The following GLDC variants were observed in gnomAD, a reference collection of about 807,000 sequenced individuals.
GLDC encodes the protein glycine decarboxylase.
A neutral mutation model predicts 121.3 loss-of-function variants in GLDC; 104 were observed. The ratio of observed to expected loss-of-function variants is 0.86; its 90% CI spans 0.73 to 1.01. The LOEUF (loss-of-function observed/expected upper bound fraction) is 1.01, where lower values mean the gene tolerates loss of function less well. Ranked by LOEUF, GLDC falls within the 50% of genes least tolerant of loss-of-function variation. The pLI, the probability that GLDC is intolerant of heterozygous loss-of-function variation, is 0.00. For synonymous variants in GLDC, 546 were observed against 480.6 expected (o/e 1.14, Z -1.78); for missense variants, 1,429 against 1,306.6 (o/e 1.09, Z -1.44).
chr9:6,628,385 A>G (rs1345241684), intron 2 of GLDC, among the ~76,000 whole-genome samples: 1 of 152,306 alleles, frequency 6.6e-6, no homozygotes, highest in Admixed American at 6.5e-5. Context: ...TTTCCTTTCA[A>G]CTGGACAAAA....
intron 22 of GLDC, among the ~76,000 whole-genome samples, chr9:6,536,972 A>C (rs928847336): frequency 6.6e-6 from 1 of 151,956 alleles, no homozygotes; most frequent in Non-Finnish European, 1.5e-5. Context: ...CAAGAGACAG[A>C]TTTCCAGGAC....
intron 2 of GLDC, among the ~76,000 whole-genome samples, chr9:6,636,179 C>T (rs951692129): frequency 1.2e-4 from 18 of 152,138 alleles, no homozygotes; most frequent in African/African-American, 3.9e-4. Flanking sequence ...TAGTTCATGC[C>T]TGTAGTCTCG....
intron 2 of GLDC, among the ~76,000 whole-genome samples, chr9:6,621,080 G>A (rs1819083571): frequency 6.6e-6 from 1 of 152,190 alleles, no homozygotes; most frequent in East Asian, 1.9e-4. Context: ...TGAGGTGGAA[G>A]GATCACATGA....
intron 2 of GLDC, among the ~76,000 whole-genome samples, chr9:6,638,472 C>T (rs1819556428): frequency 6.6e-6 from 1 of 152,096 alleles, no homozygotes; most frequent in Admixed American, 6.5e-5. Context: ...GCCTCGCCCT[C>T]CCAAAGTGCT....
chr9:6,536,079 C>A lies in GLDC; in HGVS notation c.2823G>T (p.Arg941Ser). ...ADIEEGRIDP[R>S]VNPLKMSPHS... ...GCCTACGCACCTTCAGCGGATTGAC[C>A]CTGGGGTCGATGCGGCCCTCCTCAA... The change falls in exon 23 of 25, where the codon AGG (arginine) becomes AGT (serine). Residue 941 changes from arginine to serine, a missense_variant. Physicochemically the swap from Arg to Ser is moderately radical, Grantham distance 110 (BLOSUM62 -1). Coordinates refer to ENST00000321612, the MANE Select transcript of GLDC (RefSeq NM_000170.3). 2 of 1,613,692 alleles carry A rather than the reference C, an allele frequency of 1.2e-6. No individual in the cohort carries two copies. The highest frequency in any genetic ancestry group is 1.7e-6 in the Non-Finnish European group (2 of 1,179,872).
At chr9:6,633,570 A>G (rs2129992255) in intron 2 of GLDC, among the ~76,000 whole-genome samples, 1 of 152,158 alleles carries the variant, frequency 6.6e-6, no homozygotes, top group East Asian at 1.9e-4. Flanking sequence ...CCCCATCTAG[A>G]AACTGACTGA....
chr9:6,549,566 T>C (rs553930037), intron 21 of GLDC, among the ~76,000 whole-genome samples: 3 of 152,284 alleles, frequency 2.0e-5, no homozygotes, highest in African/African-American at 7.2e-5. Flanking sequence ...CGTTTTGTTC[T>C]GGCTTCTCAC....
In GLDC at chr9:6,559,102, T is replaced by C. The variant is rs74349587; in HGVS notation, c.1927-418A>G. On this transcript the variant is annotated intron_variant, in intron 16 of 24. Coordinates refer to ENST00000321612, the MANE Select transcript of GLDC (RefSeq NM_000170.3). ...TTGGCTTATCCAGGACAGATGATAA[T>C]GACAGACGTTAATTCCAAGGCCTCC... is the stretch of plus-strand genomic sequence containing the variant. Among the ~76,000 whole-genome samples the C allele has an allele frequency of 2.7e-4, 41 of 152,302 alleles. 1 individual carries two copies. The East Asian group carries it at 7.9e-3, about 29-fold the overall frequency.
chr9:6,641,473 C>T (rs1021280554), intron 2 of GLDC, among the ~76,000 whole-genome samples: 4 of 152,166 alleles, frequency 2.6e-5, no homozygotes, highest in Non-Finnish European at 5.9e-5. Flanking sequence ...CACGACCTTG[C>T]AAAGGACAAA....
chr9:6,539,411 G>A lies in GLDC; in HGVS notation c.2665+640C>T, dbSNP rs544907630. Among the ~76,000 whole-genome samples, 4 of 152,186 alleles carry A rather than the reference G, an allele frequency of 2.6e-5. 1 individual carries two copies. The South Asian group carries it at 8.3e-4, about 32-fold the overall frequency. ...TGAGAATCACTTGAACCCAGGAGGT[G>A]GAGGTTGCAGTGAGCTGAGATCACA... On this transcript the variant is annotated intron_variant, in intron 22 of 24. Transcript: ENST00000321612.
At chr9:6,598,069 C>T (rs2129871053) in intron 8 of GLDC, among the ~76,000 whole-genome samples, 1 of 152,292 alleles carries the variant, frequency 6.6e-6, no homozygotes, top group Admixed American at 6.5e-5. Context: ...GATTCTGTCA[C>T]CCAGGTTGGA....
At position 6,604,792 on chromosome 9, in the gene GLDC, G is replaced by T; in HGVS notation, c.862-8C>A. On this transcript the variant is annotated splice_region_variant and splice_polypyrimidine_tract_variant and intron_variant, in intron 6 of 24. Transcript: ENST00000321612. ...AGCACAGCAGGCCAGGCTCTAGAAA[G>T]GAAGTGAGAGAAAAGGAACAAGGTT... 6.2e-7 allele frequency: 1 copy of T among 1,611,630 alleles called. No individual in the cohort carries two copies.
chr9:6,575,670 A>G (rs1359562480), intron 15 of GLDC, among the ~76,000 whole-genome samples: 1 of 152,240 alleles, frequency 6.6e-6, no homozygotes, highest in Admixed American at 6.5e-5. Flanking sequence ...TTTTAAGGAC[A>G]AAAACAACTT....
Position 6,594,803 on chromosome 9 carries a change from A to AAAAGAAAGAAAGAAAG in GLDC, c.1261+195_1261+210dup, listed in dbSNP as rs78626191. Among the ~76,000 whole-genome samples, 497 of 150,022 alleles carry AAAAGAAAGAAAGAAAG rather than the reference A, an allele frequency of 3.3e-3. 2 individuals are homozygous for AAAAGAAAGAAAGAAAG. The highest frequency in any genetic ancestry group is 0.014 in the South Asian group (67 of 4,704). On this transcript the variant is annotated intron_variant, in intron 9 of 24. Transcript: ENST00000321612. ...AGAAAGAAAGCAAGAAAAAGGAAAT[A>AAAAGAAAGAAAGAAAG]AAAGAAAGAAAGAAAGAAAGAAAGA...
chr9:6,570,475 C>T (rs1817938095), intron 15 of GLDC, among the ~76,000 whole-genome samples: 3 of 152,146 alleles, frequency 2.0e-5, no homozygotes. Context: ...CGGATGGCCA[C>T]CTTTAGTGTG....
chr9:6,593,194 A>G, intron 9 of GLDC: 1 of 570,432 alleles, frequency 1.8e-6, no homozygotes, highest in Non-Finnish European at 3.1e-6. Flanking sequence ...AGTAAGGAAA[A>G]TCAACATACA....
chr9:6,570,256 T>C (rs1220708773), intron 15 of GLDC, among the ~76,000 whole-genome samples: 1 of 152,228 alleles, frequency 6.6e-6, no homozygotes. Flanking sequence ...TGTATTTTTA[T>C]ACAAGTCAAA....
At chr9:6,574,276 T>C (rs1818020106) in intron 15 of GLDC, among the ~76,000 whole-genome samples, 1 of 152,084 alleles carries the variant, frequency 6.6e-6, no homozygotes, top group African/African-American at 2.4e-5. Flanking sequence ...AAGACCAGCC[T>C]GGCCAACACA....
At chr9:6,551,628 C>T (rs958693829) in intron 20 of GLDC, among the ~76,000 whole-genome samples, 3 of 152,072 alleles carry the variant, frequency 2.0e-5, no homozygotes, top group Admixed American at 2.0e-4. Context: ...TAAAAAGGGG[C>T]CACATTGCTC....
Sources: allele counts gnomAD v4.1 joint callset (sites outside exome capture counted in the v4.1 genomes callset), GRCh38; gene constraint gnomAD v4.1.1; transcripts MANE v1.5; gene names NCBI Gene and HGNC (gene_info 2026-07-23, HGNC 2026-07-21).